Variants in HLA-DRB1 observed in about 807,000 individuals in gnomAD.
The protein encoded by HLA-DRB1 is major histocompatibility complex, class II, DR beta 1 precursor.
A neutral mutation model predicts 27.9 loss-of-function variants in HLA-DRB1; 10 were observed. That is an observed-to-expected ratio of 0.36 (90% CI 0.22 to 0.61). The LOEUF is 0.61. Ranked by LOEUF, HLA-DRB1 falls within the 20% of genes least tolerant of loss-of-function variation. HLA-DRB1 has a pLI of 0.73. For missense variants in HLA-DRB1, 118 were observed against 306.3 expected, an observed-to-expected ratio of 0.39 and a Z score of 4.59; for synonymous variants, 57 against 126.7, an observed-to-expected ratio of 0.45 and a Z score of 3.69.
intron 5 of HLA-DRB1, 112 bp from the exon 6 acceptor site, chr6:32,579,216 C>T (rs568633464): frequency 1.1e-5 from 3 of 272,560 alleles, no homozygotes; most frequent in Non-Finnish European, 1.7e-5. Flanking sequence ...AAAGAAGTTC[C>T]TGAGTCTCCC....
intron 2 of HLA-DRB1, among the ~76,000 whole-genome samples, chr6:32,583,392 C>T (rs9269900): frequency 0.026 from 716 of 28,032 alleles, 43 homozygotes; most frequent in East Asian, 0.045. Context: ...AGAAAACTAC[C>T]AGCATTATAA....
intron 1 of HLA-DRB1, among the ~76,000 whole-genome samples, chr6:32,588,199 T>C (rs1776794152): frequency 7.0e-6 from 1 of 143,818 alleles, no homozygotes; most frequent in African/African-American, 2.6e-5. Flanking sequence ...CTCACATCTA[T>C]AATCCTAGCA....
At chr6:32,578,903 T>TGTG (rs763256972) in exon 6 of HLA-DRB1, 4 of 399,398 alleles carry the variant, frequency 1.0e-5, no homozygotes, top group African/African-American at 7.4e-5. Flanking sequence ...CCATCAATGC[T>TGTG]GGGACTTCAG....
chr6:32,584,254 C>T, exon 2 of HLA-DRB1: 1 of 1,521,830 alleles, frequency 6.6e-7, no homozygotes, highest in Non-Finnish European at 9.0e-7. Flanking sequence ...CCGCCCGGAA[C>T]TCCCCCACGT....
intron 2 of HLA-DRB1, among the ~76,000 whole-genome samples, chr6:32,583,626 T>C (rs1442686376): frequency 3.3e-5 from 2 of 61,284 alleles, no homozygotes; most frequent in African/African-American, 1.4e-4. Flanking sequence ...ACACGAAGGG[T>C]GTATGCCAGG....
At chr6:32,588,408 C>T (rs1776830156) in intron 1 of HLA-DRB1, among the ~76,000 whole-genome samples, 1 of 130,302 alleles carries the variant, frequency 7.7e-6, no homozygotes, top group African/African-American at 2.8e-5. Flanking sequence ...GAGCCTCGAT[C>T]ACACCACTGA....
chr6:32,586,876 C>A (rs35675330), intron 1 of HLA-DRB1, among the ~76,000 whole-genome samples: 13,753 of 94,958 alleles, frequency 0.14, 1,520 homozygotes, highest in Non-Finnish European at 0.18. Context: ...GATTGTTCTA[C>A]CCCCTTTACA....
chr6:32,583,204 G>C (rs72850277), intron 2 of HLA-DRB1, among the ~76,000 whole-genome samples: 17,323 of 56,958 alleles, frequency 0.3, 6,780 homozygotes, highest in Non-Finnish European at 0.33. Flanking sequence ...AATTATAATC[G>C]GCCAATAAAT....
At chr6:32,584,757 A>G (rs191608356) in intron 1 of HLA-DRB1, among the ~76,000 whole-genome samples, 421 of 61,850 alleles carry the variant, frequency 6.8e-3, no homozygotes, top group Non-Finnish European at 8.7e-3. Flanking sequence ...GGTACCTTCA[A>G]CAGCACCCAC....
chr6:32,583,985 TCTTC>T (rs201875530), intron 2 of HLA-DRB1, 120 bp downstream of exon 2: 3 of 287,040 alleles, frequency 1.0e-5, no homozygotes, highest in Non-Finnish European at 1.0e-5. Flanking sequence ...TCTCTCTCTC[TCTTC>T]CTCTCTCTGT....
intron 1 of HLA-DRB1, among the ~76,000 whole-genome samples, chr6:32,588,852 C>G (rs1776929259): frequency 8.7e-6 from 1 of 114,986 alleles, no homozygotes; most frequent in African/African-American, 3.5e-5. Flanking sequence ...CTAGTTAGAG[C>G]ACATAGGAGA....
At chr6:32,580,469 A>G in intron 4 of HLA-DRB1, among the ~76,000 whole-genome samples, 199 bp from the exon 5 acceptor site, 1 of 124,170 alleles carries the variant, frequency 8.1e-6, no homozygotes, top group Non-Finnish European at 1.8e-5. Context: ...GTGTAATTCC[A>G]TTAGCCTTAG....
rs1335723455 is a variant in HLA-DRB1 at position 32,579,779 on chromosome 6, G to C, written c.787+468C>G. Among the ~76,000 whole-genome samples, 5 of 61,962 alleles carry C rather than the reference G, an allele frequency of 8.1e-5. 2 individuals carry two copies. In the South Asian group the frequency reaches 1.6e-3, roughly 20 times the overall value. 40.6% of individuals were successfully genotyped at this position (61,962 alleles called of 152,430 possible). A position where few individuals can be genotyped will look rare whatever the true frequency, so the allele number is the denominator to read the frequency against. ...CTAGCCACAGAGAACCTATTGGTGT[G>C]TTTTTACAAAGCACTGATTGGTGCA... On this transcript the variant is annotated intron_variant, in intron 5 of 5. Coordinates refer to ENST00000360004, the Ensembl canonical transcript of HLA-DRB1.
chr6:32,589,210 G>C (rs1221114452), intron 1 of HLA-DRB1, among the ~76,000 whole-genome samples: 20 of 79,852 alleles, frequency 2.5e-4, no homozygotes, highest in South Asian at 8.6e-4. Context: ...CAAAGGTCCT[G>C]TGGGGAACCT....
intron 3 of HLA-DRB1, among the ~76,000 whole-genome samples, chr6:32,581,091 T>A (rs1184797898): frequency 1.1e-5 from 1 of 90,760 alleles, no homozygotes; most frequent in Non-Finnish European, 2.3e-5. Context: ...CAACATCTGA[T>A]CCACAGAAAG....
At chr6:32,586,576 A>C (rs1776432007) in intron 1 of HLA-DRB1, among the ~76,000 whole-genome samples, 1 of 55,510 alleles carries the variant, frequency 1.8e-5, no homozygotes. Flanking sequence ...TTTTTTCTTC[A>C]CACAATCCAT....
intron 2 of HLA-DRB1, among the ~76,000 whole-genome samples, chr6:32,582,053 T>C (rs28723973): frequency 0.29 from 27,448 of 94,318 alleles, 4,407 homozygotes; most frequent in Middle Eastern, 0.45. Context: ...ATTGTGTTTG[T>C]TTCTTCATAG....
chr6:32,587,689 C>G (rs28724155), intron 1 of HLA-DRB1, among the ~76,000 whole-genome samples: 16,088 of 77,904 alleles, frequency 0.21, 2,487 homozygotes, highest in Admixed American at 0.3. Context: ...AGGTGGAGCT[C>G]CCTAACATAT....
In HLA-DRB1 at chr6:32,579,322, C is replaced by A. The variant is rs34141664; in HGVS notation, c.788-218G>T. Reference sequence around the variant, plus strand: ...TCAGAAATTTGGATCCAAAGTCTTTCCTATTATTTCTGTCTCATGCCTTAT... The same window carrying A: ...TCAGAAATTTGGATCCAAAGTCTTTACTATTATTTCTGTCTCATGCCTTAT... On this transcript the variant is annotated intron_variant, in intron 5 of 5. Coordinates refer to ENST00000360004, the Ensembl canonical transcript of HLA-DRB1. Among the ~76,000 whole-genome samples, 99 of 84,272 alleles carry A rather than the reference C, an allele frequency of 1.2e-3. 1 individual carries two copies. In the South Asian group the frequency reaches 0.03, roughly 25 times the overall value. 55.3% of individuals were successfully genotyped at this position (84,272 alleles called of 152,430 possible). A position where few individuals can be genotyped will look rare whatever the true frequency, so the allele number is the denominator to read the frequency against.
Sources: gnomAD v4.1 joint callset for allele counts (sites outside exome capture counted in the v4.1 genomes callset) on GRCh38, gnomAD v4.1.1 for gene constraint, MANE v1.5 for transcripts, NCBI Gene and HGNC (gene_info 2026-07-23, HGNC 2026-07-21) for gene names.